The following PRMT7 variants were observed in gnomAD, a reference collection of about 807,000 sequenced individuals.
PRMT7 encodes protein arginine N-methyltransferase 7.
Under a neutral mutation model 85.4 loss-of-function variants are expected in PRMT7, and 75 were observed. The ratio of observed to expected loss-of-function variants is 0.88; its 90% CI spans 0.73 to 1.06. PRMT7 has a LOEUF of 1.06. PRMT7 is among the 50% of genes least tolerant of loss of function. The pLI, the probability that PRMT7 is intolerant of heterozygous loss-of-function variation, is 0.00. For synonymous variants in PRMT7, 397 were observed against 359.5 expected (o/e 1.10, Z -1.18); for missense variants, 868 against 915.2 (o/e 0.95, Z 0.67).
At chr16:68,344,503 G>T (rs2086027290) in intron 9 of PRMT7, among the ~76,000 whole-genome samples, 1 of 152,152 alleles carries the variant, frequency 6.6e-6, no homozygotes, top group African/African-American at 2.4e-5. Flanking sequence ...TATTCTGCAC[G>T]AGGGTTTATA....
intron 9 of PRMT7, among the ~76,000 whole-genome samples, chr16:68,341,310 A>T (rs1325338986): frequency 6.6e-6 from 1 of 152,214 alleles, no homozygotes; most frequent in Non-Finnish European, 1.5e-5. Flanking sequence ...ACACCATGGC[A>T]TTGCAATAAA....
In PRMT7 at chr16:68,346,222, G is replaced by A. The variant is rs757058334; in HGVS notation, c.1133G>A (p.Arg378Gln). ...GCTCACCTGCTCTGGAACCGGCCTCGGTTTGGAGAGATCAATGACCAGGAC... is the reference window on the plus strand; with the variant it reads ...GCTCACCTGCTCTGGAACCGGCCTCAGTTTGGAGAGATCAATGACCAGGAC... The part of the protein sequence containing the change: ...CQAHLLWNRP[R>Q]FGEINDQDRT... Residue 378 changes from arginine to glutamine, a missense_variant, in exon 11 of 19, where the codon CGG becomes CAG. Arg to Gln is a conservative substitution (Grantham distance 43). Transcript: ENST00000441236. 1.7e-5 allele frequency: 28 copies of A among 1,614,164 alleles called. No homozygotes were observed. The highest frequency in any genetic ancestry group is 2.3e-5 in the Non-Finnish European group (27 of 1,180,018).
chr16:68,351,251 G>A (rs1056248776), intron 14 of PRMT7: 1 of 152,274 alleles, frequency 6.6e-6, no homozygotes, highest in African/African-American at 2.4e-5. Flanking sequence ...ATCTCTGACT[G>A]GCCCCACTTT....
chr16:68,344,474 C>T (rs954605648), intron 9 of PRMT7, among the ~76,000 whole-genome samples: 6 of 152,206 alleles, frequency 3.9e-5, no homozygotes, highest in East Asian at 3.8e-4. Context: ...TCAGCAGCAG[C>T]GTTTAAGATG....
intron 10 of PRMT7, 116 bp downstream of exon 10, chr16:68,345,918 T>C: frequency 2.0e-6 from 3 of 1,472,702 alleles, no homozygotes; most frequent in Non-Finnish European, 2.8e-6. Flanking sequence ...CAGAATAACA[T>C]AAGAACAAAG....
chr16:68,312,130 C>G lies in PRMT7; in HGVS notation c.-130C>G, dbSNP rs11545584. ...TCCTGGGCTCAAGCGATCCTCACCT[C>G]GGCCTACCGAGTAGCTGGGACTACA... On this transcript the variant is annotated 5_prime_UTR_variant, in exon 2 of 19. Coordinates refer to ENST00000441236, the MANE Select transcript of PRMT7 (RefSeq NM_019023.5). 6.6e-6 allele frequency: 1 copy of G among 151,558 alleles called. No individual in the cohort carries two copies. Among genetic ancestry groups the G allele is most frequent in the South Asian group, 2.1e-4 (1 of 4,814 alleles). 9.4% of individuals were successfully genotyped at this position (151,558 alleles called of 1,614,324 possible). A position where few individuals can be genotyped will look rare whatever the true frequency, so the allele number is the denominator to read the frequency against.
intron 4 of PRMT7, chr16:68,324,308 G>T: frequency 4.8e-6 from 1 of 206,252 alleles, no homozygotes; most frequent in South Asian, 7.9e-5. Context: ...CCCCTACCGA[G>T]AGGACCCTGA....
intron 6 of PRMT7, among the ~76,000 whole-genome samples, chr16:68,337,221 T>C (rs910365630): frequency 1.3e-5 from 2 of 152,146 alleles, no homozygotes; most frequent in African/African-American, 2.4e-5. Flanking sequence ...TAAACACTTA[T>C]GATCCCTTAC....
At chr16:68,348,552 TA>T in intron 14 of PRMT7, 121 bp downstream of exon 14, 1 of 607,254 alleles carries the variant, frequency 1.6e-6, no homozygotes, top group Non-Finnish European at 2.8e-6. Context: ...CATGCAACCT[TA>T]CCTCCTACGA....
In PRMT7 at chr16:68,346,156, ATG is replaced by A; in HGVS notation, c.1068_1069del (p.Asn356LysfsTer11). 4 of 1,613,888 alleles carry A rather than the reference ATG, an allele frequency of 2.5e-6. No homozygotes were observed. Among genetic ancestry groups the A allele is most frequent in the Non-Finnish European group, 3.4e-6 (4 of 1,180,026 alleles). On this transcript the variant is annotated frameshift_variant, in exon 11 of 19. Coordinates refer to ENST00000441236, the MANE Select transcript of PRMT7 (RefSeq NM_019023.5). LOFTEE classifies it high-confidence loss of function. The stretch of plus-strand genomic sequence containing the variant: ...ATCTCCTGGCCTAGCCCTGAAAAGA[ATG>A]AGAGAGTCCGCCAGATGCGCCCCGT...
rs564778147 is a variant in PRMT7, at chr16:68,333,004, AT to A, written c.391+3839del. Reference sequence around the variant, plus strand: ...AGAGTGGAGATTGATTCATTTATTTATTTTTTTTTGAGACAGTCTCACTCTG... The same window carrying A: ...AGAGTGGAGATTGATTCATTTATTTATTTTTTTTGAGACAGTCTCACTCTG... On this transcript the variant is annotated intron_variant, in intron 6 of 18. Transcript: ENST00000441236. 2.0e-5 allele frequency among the ~76,000 whole-genome samples: 3 copies of A among 150,928 alleles called. 1 individual carries two copies. The South Asian group carries it at 6.3e-4, about 32-fold the overall frequency.
At chr16:68,351,623 C>T in intron 14 of PRMT7, 1 of 152,918 alleles carries the variant, frequency 6.5e-6, no homozygotes. Flanking sequence ...CTTGCTGTCT[C>T]CCGGCCTCAC....
chr16:68,332,169 C>G (rs2083998706), intron 6 of PRMT7, among the ~76,000 whole-genome samples: 1 of 152,182 alleles, frequency 6.6e-6, no homozygotes. Context: ...TTAAGTCAGG[C>G]CTTCTCAACA....
downstream of PRMT7, chr16:68,359,495 T>G (rs1010030635): frequency 6.5e-6 from 1 of 152,736 alleles, no homozygotes; most frequent in African/African-American, 2.4e-5. Flanking sequence ...CTCCCTGGGC[T>G]CTGCAGCGTT....
At position 68,357,308 on chromosome 16, in the gene PRMT7, T is replaced by G; in HGVS notation, c.*84T>G. 7.1e-7 allele frequency: 1 copy of G among 1,399,082 alleles called. No homozygotes were observed. The highest frequency in any genetic ancestry group is 9.7e-7 in the Non-Finnish European group (1 of 1,028,702). 86.7% of individuals were successfully genotyped at this position (1,399,082 alleles called of 1,614,324 possible). A position where few individuals can be genotyped will look rare whatever the true frequency, so the allele number is the denominator to read the frequency against. ...TAGCGGGGAAGGCTGAAGGCCCTCCTCTCCTCTCTGGGAGCTGCTCGGCCT... is the reference window on the plus strand; with the variant it reads ...TAGCGGGGAAGGCTGAAGGCCCTCCGCTCCTCTCTGGGAGCTGCTCGGCCT... On this transcript the variant is annotated 3_prime_UTR_variant, in exon 19 of 19. Transcript: ENST00000441236.
chr16:68,311,055 T>A lies in PRMT7; in HGVS notation c.-263T>A, dbSNP rs1161409724. 1.9e-5 allele frequency: 16 copies of A among 860,512 alleles called. No individual in the cohort carries two copies. Among genetic ancestry groups the A allele is most frequent in the African/African-American group, 5.0e-5 (3 of 60,054 alleles). 53.3% of individuals were successfully genotyped at this position (860,512 alleles called of 1,614,324 possible). A position where few individuals can be genotyped will look rare whatever the true frequency, so the allele number is the denominator to read the frequency against. ...GTCCCGCCCCGCGTGCTGGCCGCGG[T>A]AAAAGTGGTAGCAGCGGAGGCGAGC... On this transcript the variant is annotated 5_prime_UTR_variant, in exon 1 of 19. Transcript: ENST00000441236.
At chr16:68,348,999 G>C (rs950951818) in intron 14 of PRMT7, among the ~76,000 whole-genome samples, 3 of 152,024 alleles carry the variant, frequency 2.0e-5, no homozygotes, top group Non-Finnish European at 2.9e-5. Context: ...CAGCTCTCTT[G>C]GGGTTCCTAG....
At chr16:68,319,329 A>G (rs2082218834) in intron 3 of PRMT7, among the ~76,000 whole-genome samples, 1 of 152,170 alleles carries the variant, frequency 6.6e-6, no homozygotes, top group Admixed American at 6.6e-5. Flanking sequence ...GATAGCCAGC[A>G]TGGAAAGGAA....
intron 6 of PRMT7, among the ~76,000 whole-genome samples, chr16:68,335,407 A>C (rs959807341): frequency 1.3e-5 from 2 of 152,114 alleles, no homozygotes. Flanking sequence ...CAGGCGTGTT[A>C]GCTGGGGTGG....
Sources: gnomAD v4.1 joint callset for allele counts (sites outside exome capture counted in the v4.1 genomes callset) on GRCh38, gnomAD v4.1.1 for gene constraint, MANE v1.5 for transcripts, NCBI Gene and HGNC (gene_info 2026-07-23, HGNC 2026-07-21) for gene names.